Variants in ABI2 observed in about 807,000 individuals in gnomAD.
The protein encoded by ABI2 is abelson interactor 2.
In ABI2, 25 loss-of-function variants were observed where a neutral mutation model predicts 59.2. The observed-to-expected ratio is 0.42, with a 90% confidence interval of 0.31 to 0.59. The LOEUF is 0.59. ABI2 is among the 20% of genes least tolerant of loss of function. The pLI is 0.14. For missense variants in ABI2, 545 were observed against 681.8 expected (o/e 0.80, Z 2.23); for synonymous variants, 213 against 235.5 (o/e 0.90, Z 0.87).
At chr2:203,348,856 T>A (rs1008845512) in intron 1 of ABI2, among the ~76,000 whole-genome samples, 2 of 152,090 alleles carry the variant, frequency 1.3e-5, no homozygotes, top group South Asian at 4.1e-4. Context: ...TATTTTTAAT[T>A]AAAAATTTTT....
Position 203,393,430 on chromosome 2 carries a change from A to G in ABI2, c.579-1270A>G, listed in dbSNP as rs531616678. On this transcript the variant is annotated intron_variant, in intron 5 of 11. Coordinates refer to ENST00000261018, the MANE Select transcript of ABI2 (RefSeq NM_001375670.1). ...TGGAGAAATTAATGTTTCCCATTTT[A>G]TTGTTTAATATTTGCATTATAATTT... Among the ~76,000 whole-genome samples, 16 of 152,326 alleles carry G rather than the reference A, an allele frequency of 1.1e-4. 1 individual carries two copies. In the South Asian group the frequency reaches 3.3e-3, roughly 32 times the overall value.
At chr2:203,396,720 CT>C in intron 7 of ABI2, 64 bp from the exon 8 acceptor site, 1 of 1,421,320 alleles carries the variant, frequency 7.0e-7, no homozygotes, top group Non-Finnish European at 9.2e-7. Context: ...ACTCTAATAC[CT>C]TTTCTAATCC....
At chr2:203,366,311 A>G (rs1210483851) in intron 1 of ABI2, among the ~76,000 whole-genome samples, 2 of 152,130 alleles carry the variant, frequency 1.3e-5, no homozygotes, top group African/African-American at 4.8e-5. Flanking sequence ...AACACTTACA[A>G]TGTTTGGGAA....
At chr2:203,417,668 C>T (rs1426241995) in intron 11 of ABI2, among the ~76,000 whole-genome samples, 1 of 152,188 alleles carries the variant, frequency 6.6e-6, no homozygotes, top group Non-Finnish European at 1.5e-5. Flanking sequence ...ATCAAAGCTA[C>T]TAACCCACTG....
intron 11 of ABI2, among the ~76,000 whole-genome samples, chr2:203,426,574 T>TA (rs1453754694): frequency 1.3e-5 from 2 of 152,270 alleles, no homozygotes; most frequent in South Asian, 2.1e-4. Flanking sequence ...TAGTGCAGCA[T>TA]ATGTTTTGAA....
In ABI2 at chr2:203,430,202, CTCT is replaced by C; in HGVS notation, c.*2852_*2854del. ...ATTTTTTGTTTTATTGTAAGTTTCCCTCTTTTTTTATAAATTAAAAGATGGTTG... is the reference window on the plus strand; with the variant it reads ...ATTTTTTGTTTTATTGTAAGTTTCCCTTTTTTATAAATTAAAAGATGGTTG... On this transcript the variant is annotated 3_prime_UTR_variant, in exon 12 of 12. Transcript: ENST00000261018. The C allele has an allele frequency of 6.6e-6, 1 of 152,128 alleles. No individual in the cohort carries two copies. Among genetic ancestry groups the C allele is most frequent in the Non-Finnish European group, 1.5e-5 (1 of 67,998 alleles). The allele number at this position is 152,128 out of a possible 1,614,324, so 9.4% of individuals were successfully genotyped here.
chr2:203,384,421 C>T (rs180875115), intron 4 of ABI2, among the ~76,000 whole-genome samples: 11 of 151,056 alleles, frequency 7.3e-5, no homozygotes, highest in Non-Finnish European at 1.6e-4. Flanking sequence ...GTTCTCCTGC[C>T]TCAGCTTCCT....
rs1471878053 is a variant in ABI2 at position 203,431,547 on chromosome 2, A to ATAT, written c.*4198_*4200dup. Reference sequence around the variant, plus strand: ...ATAAGGTGTGTGCAGTAAAAATGTTATATTACTCCAACACTGGCAGGAGCA... The same window carrying ATAT: ...ATAAGGTGTGTGCAGTAAAAATGTTATATTATTACTCCAACACTGGCAGGAGCA... On this transcript the variant is annotated 3_prime_UTR_variant, in exon 12 of 12. Transcript: ENST00000261018. The ATAT allele has an allele frequency of 6.6e-6, 1 of 152,440 alleles. No homozygotes were observed. The highest frequency in any genetic ancestry group is 1.5e-5 in the Non-Finnish European group (1 of 68,032). The allele number at this position is 152,440 out of a possible 1,614,324, so 9.4% of individuals were successfully genotyped here. A position where few individuals can be genotyped will look rare whatever the true frequency, so the allele number is the denominator to read the frequency against.
intron 2 of ABI2, among the ~76,000 whole-genome samples, chr2:203,377,373 G>A (rs1004627841): frequency 1.3e-5 from 2 of 152,110 alleles, no homozygotes; most frequent in African/African-American, 4.8e-5. Context: ...TTGTAATTCT[G>A]TTATGGCTGC....
At position 203,427,189 on chromosome 2, in the gene ABI2, A is replaced by T. The variant is rs2098446646; in HGVS notation, c.1466A>T (p.Tyr489Phe). The change falls in exon 12 of 12, where the codon TAT becomes TTT. Residue 489 changes from tyrosine (Y) to phenylalanine (F), a missense_variant. Tyr to Phe is a conservative substitution (Grantham distance 22, BLOSUM62 3). Around this residue, in one of 4 missense-constraint regions of ABI2, gnomAD observed 44 missense variants for 106.4 expected, o/e 0.41. Transcript: ENST00000261018. Reference sequence around the variant, plus strand: ...TCTTCCCTCCTAGTTGTGGCAATTTATGACTATACAAAAGACAAGGAAGAT... The same window carrying T: ...TCTTCCCTCCTAGTTGTGGCAATTTTTGACTATACAAAAGACAAGGAAGAT... ...RSYLEKVVAI[Y>F]DYTKDKEDEL... is the part of the protein sequence containing the mutation. 1 of 1,613,840 alleles carries T rather than the reference A, an allele frequency of 6.2e-7. No homozygotes were observed. The highest frequency in any genetic ancestry group is 2.2e-5 in the East Asian group (1 of 44,834).
At chr2:203,342,254 C>T (rs4675333) in intron 1 of ABI2, 453,000 of 453,836 alleles carry the variant, frequency 1, 226,085 homozygotes, top group East Asian at 1. Context: ...GGACCAAGTC[C>T]AGTTCTGTTA....
At chr2:203,393,236 G>A (rs1157434710) in intron 5 of ABI2, among the ~76,000 whole-genome samples, 1 of 152,132 alleles carries the variant, frequency 6.6e-6, no homozygotes, top group East Asian at 1.9e-4. Flanking sequence ...TGTATTTTTA[G>A]TAGAGATGGG....
intron 9 of ABI2, among the ~76,000 whole-genome samples, chr2:203,406,105 A>G (rs931691555): frequency 1.3e-5 from 2 of 152,180 alleles, no homozygotes; most frequent in African/African-American, 4.8e-5. Flanking sequence ...TAATCTTGCC[A>G]GTGGTAAGGA....
chr2:203,338,965 TATATATATATATATATAA>T (rs60510573), intron 1 of ABI2, among the ~76,000 whole-genome samples: 328 of 9,458 alleles, frequency 0.035, 22 homozygotes, highest in East Asian at 0.071. Flanking sequence ...TATATATAAA[TATATATATATATATATAA>T]ATATATATAT....
Position 203,328,583 on chromosome 2 carries a change from C to T in ABI2, c.69C>T (p.Tyr23=), listed in dbSNP as rs1454697225. Residue 23 remains tyrosine (Y), a synonymous_variant, in exon 1 of 12, where the codon TAC becomes TAT. Transcript: ENST00000261018. ...GCCGCCGGGCCCTCTTCGACAGCTA[C>T]ACAAATCTGGAACGGGTGGCCGATT... ...PGGRRALFDS[Y]TNLERVADYC... is the part of the protein sequence containing the mutation. 22 of 1,604,860 alleles carry T rather than the reference C, an allele frequency of 1.4e-5. No individual in the cohort carries two copies. The highest frequency in any genetic ancestry group is 1.8e-5 in the Non-Finnish European group (21 of 1,175,996).
intron 1 of ABI2, among the ~76,000 whole-genome samples, chr2:203,333,415 T>C (rs2074920548): frequency 6.6e-6 from 1 of 152,144 alleles, no homozygotes; most frequent in Non-Finnish European, 1.5e-5. Flanking sequence ...TGTCATATAC[T>C]ATATTGGGAG....
chr2:203,398,292 C>T (rs2097089097), intron 8 of ABI2, among the ~76,000 whole-genome samples: 2 of 152,040 alleles, frequency 1.3e-5, no homozygotes, highest in Non-Finnish European at 2.9e-5. Context: ...ATAGGAATCT[C>T]GTTATGCTCC....
At chr2:203,340,526 A>G (rs1005244363) in intron 1 of ABI2, among the ~76,000 whole-genome samples, 14 of 152,044 alleles carry the variant, frequency 9.2e-5, no homozygotes, top group Admixed American at 3.9e-4. Flanking sequence ...ACCACCACAC[A>G]TGGCTAATTT....
intron 1 of ABI2, among the ~76,000 whole-genome samples, chr2:203,358,407 C>T (rs1394045175): frequency 1.3e-5 from 2 of 152,044 alleles, no homozygotes; most frequent in Non-Finnish European, 2.9e-5. Flanking sequence ...CTTGTCTTCC[C>T]AAAGTGCCAG....
Sources: allele counts gnomAD v4.1 joint callset (sites outside exome capture counted in the v4.1 genomes callset), GRCh38; gene constraint gnomAD v4.1.1; regional missense constraint gnomAD v4.1.1; transcripts MANE v1.5; gene names NCBI Gene and HGNC (gene_info 2026-07-23, HGNC 2026-07-21).